The following TMEM208 variants were observed in gnomAD, a reference collection of about 807,000 sequenced individuals.
TMEM208 encodes transmembrane protein 208.
TMEM208 carries 19 observed loss-of-function variants against 26.4 expected under a neutral mutation model. That is an observed-to-expected ratio of 0.72 (90% CI 0.50 to 1.06). The LOEUF is 1.06. Among genes scored for constraint, TMEM208 ranks in the 50% least tolerant of loss-of-function variants. The pLI, the probability that TMEM208 is intolerant of heterozygous loss-of-function variation, is 0.00. For synonymous variants in TMEM208, 93 were observed against 83.1 expected (o/e 1.12, Z -0.65); for missense variants, 183 against 219.8 (o/e 0.83, Z 1.06).
chr16:67,228,086 A>C, intron 2 of TMEM208, 155 bp downstream of exon 2: 1 of 672,282 alleles, frequency 1.5e-6, no homozygotes. Context: ...AGTGCTAACT[A>C]GTAAAACACA....
rs759356521 is a variant in TMEM208 at position 67,228,325 on chromosome 16, AC to A, written c.103-26del. 3.1e-6 allele frequency: 5 copies of A among 1,613,238 alleles called. No homozygotes were observed. In the East Asian group the frequency reaches 1.1e-4, roughly 36 times the overall value. ...ACCCATGGTTTGGAGGTAACTTCTG[AC>A]CCCAACCTGATCCTGTGATTGCTTG... On this transcript the variant is annotated intron_variant, in intron 2 of 5. Coordinates refer to ENST00000304800, the MANE Select transcript of TMEM208 (RefSeq NM_014187.4).
chr16:67,227,227 A>G lies in TMEM208; in HGVS notation c.6+3A>G. ...GGTATTTGCCTCGCACCATGGCGGT[A>G]AGGAGGATGGATAGGGCGGGGTCCG... On this transcript the variant is annotated splice_donor_region_variant and intron_variant, in intron 1 of 5. Transcript: ENST00000304800. 6.2e-7 allele frequency: 1 copy of G among 1,611,986 alleles called. No individual in the cohort carries two copies. The highest frequency in any genetic ancestry group is 8.5e-7 in the Non-Finnish European group (1 of 1,178,768).
At chr16:67,228,081 T>C (rs1655963152) in intron 2 of TMEM208, 150 bp downstream of exon 2, 5 of 688,136 alleles carry the variant, frequency 7.3e-6, no homozygotes, top group Non-Finnish European at 1.2e-5. Context: ...GAGAAAGTGC[T>C]AACTAGTAAA....
chr16:67,227,823 C>A lies in TMEM208; in HGVS notation c.7-13C>A. Reference sequence around the variant, plus strand: ...CCGTGGCCTCCTGACGGCATCTCATCATTCCTCTGCAGCCCAAGGGCAAAG... The same window carrying A: ...CCGTGGCCTCCTGACGGCATCTCATAATTCCTCTGCAGCCCAAGGGCAAAG... On this transcript the variant is annotated splice_polypyrimidine_tract_variant and intron_variant, in intron 1 of 5. Coordinates refer to ENST00000304800, the MANE Select transcript of TMEM208 (RefSeq NM_014187.4). 1 of 1,596,420 alleles carries A rather than the reference C, an allele frequency of 6.3e-7. No individual in the cohort carries two copies. Among genetic ancestry groups the A allele is most frequent in the Non-Finnish European group, 8.5e-7 (1 of 1,170,774 alleles).
chr16:67,228,631 AGTGAGTGTCCCCCACCGCCAGCCCAG>A lies in TMEM208; in HGVS notation c.299+6_299+31del, dbSNP rs750398595. ...CTCAACATGGAGCAGGGCATGGCAG[AGTGAGTGTCCCCCACCGCCAGCCCAG>A]GTGAGCGGCCCCAGGGCTGGGGCCC... On this transcript the variant is annotated splice_donor_variant and splice_donor_5th_base_variant and intron_variant, in intron 4 of 5. Coordinates refer to ENST00000304800, the MANE Select transcript of TMEM208 (RefSeq NM_014187.4). LOFTEE classifies it high-confidence loss of function. The A allele has an allele frequency of 1.3e-5, 20 of 1,562,204 alleles. No homozygotes were observed. Among genetic ancestry groups the A allele is most frequent in the Admixed American group, 3.7e-5 (2 of 54,254 alleles).
intron 1 of TMEM208, chr16:67,227,627 CG>C: frequency 8.6e-6 from 5 of 579,374 alleles, no homozygotes; most frequent in Non-Finnish European, 1.5e-5. Flanking sequence ...GAGCAAGAGG[CG>C]ATTGATCCTA....
chr16:67,227,408 G>A (rs1322062387), intron 1 of TMEM208, among the ~76,000 whole-genome samples, 184 bp downstream of exon 1: 1 of 152,238 alleles, frequency 6.6e-6, no homozygotes, highest in Non-Finnish European at 1.5e-5. Flanking sequence ...ACTAGTGCCA[G>A]AGCGGGGTGG....
Position 67,227,937 on chromosome 16 carries a change from T to TG in TMEM208, c.102+7dup. On this transcript the variant is annotated splice_region_variant and intron_variant, in intron 2 of 5. Coordinates refer to ENST00000304800, the MANE Select transcript of TMEM208 (RefSeq NM_014187.4). ...GGATCATACTGGGGGCCAATGTAAG[T>TG]GCCTACCTCCTTGCTTCTATGCCCA... The TG allele has an allele frequency of 6.2e-7, 1 of 1,602,212 alleles. No homozygotes were observed. The highest frequency in any genetic ancestry group is 8.5e-7 in the Non-Finnish European group (1 of 1,173,666).
At chr16:67,228,021 A>G (rs2034091649) in intron 2 of TMEM208, 90 bp downstream of exon 2, 1 of 1,044,516 alleles carries the variant, frequency 9.6e-7, no homozygotes, top group African/African-American at 1.6e-5. Context: ...GTACCCGAAA[A>G]AGCTCTAGAA....
In TMEM208 at chr16:67,229,047, C is replaced by T. The variant is rs778322658; in HGVS notation, c.456C>T (p.Thr152=). ...CCTGGTTCACTGCAGACAGTGGCACCCCAGCACCAGAGCACAATGAGAAAC... is the reference window on the plus strand; with the variant it reads ...CCTGGTTCACTGCAGACAGTGGCACTCCAGCACCAGAGCACAATGAGAAAC... The part of the protein sequence containing the change: ...LGPWFTADSG[T]PAPEHNEKRQ... Residue 152 remains threonine (T), a synonymous_variant, in exon 6 of 6, where the codon ACC becomes ACT. Transcript: ENST00000304800. The T allele has an allele frequency of 2.5e-6, 4 of 1,613,474 alleles. No individual in the cohort carries two copies. In the South Asian group the frequency reaches 4.4e-5, roughly 18 times the overall value.
At chr16:67,227,769 C>T in intron 1 of TMEM208, 67 bp from the exon 2 acceptor site, 1 of 1,335,148 alleles carries the variant, frequency 7.5e-7, no homozygotes, top group Non-Finnish European at 1.0e-6. Context: ...CTCTATAGCT[C>T]ACCAGGCTGG....
chr16:67,229,074 G>T lies in TMEM208; in HGVS notation c.483G>T (p.Arg161=). 6.2e-7 allele frequency: 1 copy of T among 1,612,944 alleles called. No homozygotes were observed. Among genetic ancestry groups the T allele is most frequent in the East Asian group, 2.2e-5 (1 of 44,850 alleles). The change falls in exon 6 of 6, where the codon CGG becomes CGT. Residue 161 remains arginine, a synonymous_variant. Transcript: ENST00000304800. Reference sequence around the variant, plus strand: ...CAGCACCAGAGCACAATGAGAAACGGCAGCGCCGACAGGAGCGGCGGCAGA... The same window carrying T: ...CAGCACCAGAGCACAATGAGAAACGTCAGCGCCGACAGGAGCGGCGGCAGA... ...GTPAPEHNEK[R]QRRQERRQMK... is the part of the protein sequence containing the mutation.
Position 67,228,558 on chromosome 16 carries a change from C to T in TMEM208, c.226C>T (p.Arg76Ter), listed in dbSNP as rs200755290. 26 of 1,609,742 alleles carry T rather than the reference C, an allele frequency of 1.6e-5. No individual in the cohort carries two copies. Among genetic ancestry groups the T allele is most frequent in the East Asian group, 1.1e-4 (5 of 44,766 alleles). The part of the protein sequence containing the change: ...ASYHSMSSMA[R>*]AAFSEDGALM... ...CTACCACTCTATGAGCTCGATGGCA[C>T]GAGCAGCGTTCTCTGAGGATGGGGC... The change falls in exon 4 of 6, where the codon CGA becomes TGA. Residue 76 changes from arginine to a stop codon, truncating the protein, a stop_gained. Coordinates refer to ENST00000304800, the MANE Select transcript of TMEM208 (RefSeq NM_014187.4). LOFTEE classifies it high-confidence loss of function.
chr16:67,227,323 C>A, intron 1 of TMEM208, 99 bp downstream of exon 1: 1 of 1,505,248 alleles, frequency 6.6e-7, no homozygotes, highest in Non-Finnish European at 9.0e-7. Flanking sequence ...TGGGGTGGGC[C>A]AGAGCGGGGC....
rs749211328 is a variant in TMEM208, at chr16:67,228,511, G to A, written c.179G>A (p.Ser60Asn). 6.2e-7 allele frequency: 1 copy of A among 1,613,334 alleles called. No individual in the cohort carries two copies. Among genetic ancestry groups the A allele is most frequent in the African/African-American group, 1.3e-5 (1 of 74,990 alleles). ...GCTCTGCAGTTGGCCCTGGGCTTTAGTCTGGCAGTGTATGGGGCCAGCTAC... is the reference window on the plus strand; with the variant it reads ...GCTCTGCAGTTGGCCCTGGGCTTTAATCTGGCAGTGTATGGGGCCAGCTAC... ...SFWAWLALGF[S>N]LAVYGASYHS... Residue 60 changes from serine to asparagine, a missense_variant, in exon 4 of 6, where the codon AGT (serine) becomes AAT (asparagine). Physicochemically the swap from Ser to Asn is conservative, Grantham distance 46 (BLOSUM62 1). Transcript: ENST00000304800.
chr16:67,228,509 T>C lies in TMEM208; in HGVS notation c.177T>C (p.Phe59=). The change falls in exon 4 of 6, where the codon TTT becomes TTC. Residue 59 remains phenylalanine, a synonymous_variant. Coordinates refer to ENST00000304800, the MANE Select transcript of TMEM208 (RefSeq NM_014187.4). ...ASFWAWLALG[F]SLAVYGASYH... ...TTGCTCTGCAGTTGGCCCTGGGCTT[T>C]AGTCTGGCAGTGTATGGGGCCAGCT... is the stretch of plus-strand genomic sequence containing the variant. The C allele has an allele frequency of 6.2e-7, 1 of 1,613,440 alleles. No individual in the cohort carries two copies. The highest frequency in any genetic ancestry group is 1.3e-5 in the African/African-American group (1 of 75,024).
At chr16:67,228,037 C>G in intron 2 of TMEM208, 106 bp downstream of exon 2, 1 of 881,610 alleles carries the variant, frequency 1.1e-6, no homozygotes. Flanking sequence ...TAGAAGAGAG[C>G]TCCAGTCAAA....
chr16:67,229,192 A>G lies in TMEM208; in HGVS notation c.*79A>G. 6.9e-7 allele frequency: 1 copy of G among 1,457,516 alleles called. No homozygotes were observed. Among genetic ancestry groups the G allele is most frequent in the Non-Finnish European group, 9.2e-7 (1 of 1,083,516 alleles). 90.3% of individuals were successfully genotyped at this position (1,457,516 alleles called of 1,614,324 possible). ...ACAGCCCCTCATGCCTGGAGCAATG[A>G]GGGTCTAGTCCAGGGGCCAAAAGCA... is the stretch of plus-strand genomic sequence containing the variant. On this transcript the variant is annotated 3_prime_UTR_variant, in exon 6 of 6. Transcript: ENST00000304800.
rs750391895 is a variant in TMEM208 at position 67,227,236 on chromosome 16, G to T, written c.6+12G>T. ...CTCGCACCATGGCGGTAAGGAGGAT[G>T]GATAGGGCGGGGTCCGCACCAGCAA... is the stretch of plus-strand genomic sequence containing the variant. On this transcript the variant is annotated intron_variant, in intron 1 of 5. Coordinates refer to ENST00000304800, the MANE Select transcript of TMEM208 (RefSeq NM_014187.4). 6.2e-6 allele frequency: 10 copies of T among 1,611,406 alleles called. No homozygotes were observed. The highest frequency in any genetic ancestry group is 7.6e-6 in the Non-Finnish European group (9 of 1,178,404).
Sources: allele counts gnomAD v4.1 joint callset (sites outside exome capture counted in the v4.1 genomes callset), GRCh38; gene constraint gnomAD v4.1.1; transcripts MANE v1.5; gene names NCBI Gene and HGNC (gene_info 2026-07-23, HGNC 2026-07-21).